EXOC1: variants seen among roughly 807,000 people sequenced by gnomAD.
EXOC1 encodes the protein SEC3-like 1.
A neutral mutation model predicts 107.7 loss-of-function variants in EXOC1; 67 were observed. The observed-to-expected ratio is 0.62, with a 90% CI of 0.51 to 0.76. The LOEUF (loss-of-function observed/expected upper bound fraction) is 0.76. Ranked by LOEUF, EXOC1 falls within the 30% of genes least tolerant of loss-of-function variation. EXOC1 has a pLI of 0.00. For synonymous variants in EXOC1, 348 were observed against 353.5 expected (o/e 0.98, Z 0.17); for missense variants, 833 against 1,055.7 (o/e 0.79, Z 2.92).
At chr4:55,864,434 T>G (rs756978348) in intron 4 of EXOC1, 48 bp downstream of exon 4, 1 of 1,430,882 alleles carries the variant, frequency 7.0e-7, no homozygotes. Context: ...TATCTTTAAG[T>G]GAATATATAA....
At chr4:55,889,817 A>G (rs1560354395) in intron 11 of EXOC1, among the ~76,000 whole-genome samples, 2 of 152,196 alleles carry the variant, frequency 1.3e-5, no homozygotes, top group Admixed American at 1.3e-4. Flanking sequence ...GAAGTATAAC[A>G]AAGTCATGCT....
At chr4:55,877,245 CTG>C in intron 8 of EXOC1, 2 of 985,348 alleles carry the variant, frequency 2.0e-6, no homozygotes, top group Non-Finnish European at 2.4e-6. Flanking sequence ...CTCTAGCAGT[CTG>C]TGTAATTTTA....
At position 55,890,150 on chromosome 4, in the gene EXOC1, A is replaced by T. The variant is rs1724349644; in HGVS notation, c.1376-73A>T. Reference sequence around the variant, plus strand: ...AGATCAAGCCAGTAGAAGATAGAAGATCTATCCCTGCTTTATACTTTGGAT... The same window carrying T: ...AGATCAAGCCAGTAGAAGATAGAAGTTCTATCCCTGCTTTATACTTTGGAT... On this transcript the variant is annotated intron_variant, in intron 11 of 18. Transcript: ENST00000381295. The T allele has an allele frequency of 3.5e-6, 5 of 1,430,662 alleles. No individual in the cohort carries two copies. The Admixed American group carries it at 5.2e-5, about 15-fold the overall frequency. The allele number at this position is 1,430,662 out of a possible 1,614,324, so 88.6% of individuals were successfully genotyped here. A position where few individuals can be genotyped will look rare whatever the true frequency, so the allele number is the denominator to read the frequency against.
intron 18 of EXOC1, among the ~76,000 whole-genome samples, chr4:55,903,925 A>G (rs1726309538): frequency 6.6e-6 from 1 of 152,172 alleles, no homozygotes; most frequent in Non-Finnish European, 1.5e-5. Context: ...AATGAAATTA[A>G]AGCATTACAT....
At chr4:55,863,151 C>T (rs879814434) in intron 3 of EXOC1, among the ~76,000 whole-genome samples, 8 of 152,112 alleles carry the variant, frequency 5.3e-5, no homozygotes, top group African/African-American at 1.4e-4. Context: ...CTACCCACCT[C>T]GGCCTCCCAA....
chr4:55,898,429 T>C (rs904674409), intron 16 of EXOC1, among the ~76,000 whole-genome samples: 6 of 152,180 alleles, frequency 3.9e-5, no homozygotes, highest in Non-Finnish European at 8.8e-5. Context: ...ATATTCCCTC[T>C]GAAATGAATT....
chr4:55,876,891 T>C, intron 8 of EXOC1: 1 of 985,352 alleles, frequency 1.0e-6, no homozygotes, highest in Non-Finnish European at 1.2e-6. Flanking sequence ...TTTGAAAACA[T>C]TTATGAAGAA....
In EXOC1 at chr4:55,902,493, C is replaced by A; in HGVS notation, c.2487C>A (p.Tyr829Ter). 6.4e-7 allele frequency: 1 copy of A among 1,554,908 alleles called. No individual in the cohort carries two copies. Among genetic ancestry groups the A allele is most frequent in the Non-Finnish European group, 8.6e-7 (1 of 1,157,864 alleles). ...KEVKKGLDNLYKKVDKHLCEE... is the reference protein window; with the variant it reads ...KEVKKGLDNL ...TAAAAAAAGGTCTAGATAACCTCTA[C>A]AAGAAAGTTGATAAACATTTATGTG... The change falls in exon 18 of 19, where the codon TAC (tyrosine) becomes TAA (stop). Residue 829 changes from tyrosine to a stop codon, truncating the protein, a stop_gained. Transcript: ENST00000381295. LOFTEE classifies it high-confidence loss of function.
At chr4:55,866,889 G>GA in intron 4 of EXOC1, 1 of 985,272 alleles carries the variant, frequency 1.0e-6, no homozygotes, top group Non-Finnish European at 1.2e-6. Flanking sequence ...TAAAGTTACA[G>GA]AAGGTGCGTA....
chr4:55,860,683 TTA>T, intron 3 of EXOC1, 142 bp downstream of exon 3: 1 of 938,902 alleles, frequency 1.1e-6, no homozygotes, highest in Non-Finnish European at 1.5e-6. Flanking sequence ...TAAGCTATAA[TTA>T]TGTTTGTGCA....
At chr4:55,886,389 CA>C (rs1296713517) in intron 10 of EXOC1, among the ~76,000 whole-genome samples, 2 of 151,176 alleles carry the variant, frequency 1.3e-5, no homozygotes, top group African/African-American at 4.9e-5. Context: ...CCCATATATA[CA>C]AAAAAATCAA....
In EXOC1 at chr4:55,877,140, A is replaced by G. The variant is rs1052279557; in HGVS notation, c.1075-777A>G. 6 of 977,858 alleles carry G rather than the reference A, an allele frequency of 6.1e-6. No individual in the cohort carries two copies. The African/African-American group carries it at 1.1e-4, about 17-fold the overall frequency. The allele number at this position is 977,858 out of a possible 1,614,324, so 60.6% of individuals were successfully genotyped here. On this transcript the variant is annotated intron_variant, in intron 8 of 18. Transcript: ENST00000381295. ...TAACTTAAAAGAATTTAAATTCAGG[A>G]CGCTTATTTAGCTAATGTGTACCAA...
Position 55,870,881 on chromosome 4 carries a change from CCTAT to C in EXOC1, c.810_813del (p.Ser271ArgfsTer2). ...TTAGTAACACTAATAATGTAAAACT[CCTAT>C]CTGAGATAGAGTTCCTTGTGGTAAG... is the stretch of plus-strand genomic sequence containing the variant. On this transcript the variant is annotated frameshift_variant, in exon 6 of 19. Coordinates refer to ENST00000381295, the MANE Select transcript of EXOC1 (RefSeq NM_001024924.2). LOFTEE classifies it high-confidence loss of function. 3.7e-6 allele frequency: 6 copies of C among 1,613,576 alleles called. No homozygotes were observed. The highest frequency in any genetic ancestry group is 5.1e-6 in the Non-Finnish European group (6 of 1,179,732).
At chr4:55,858,121 G>A (rs1721163224) in intron 1 of EXOC1, among the ~76,000 whole-genome samples, 193 bp from the exon 2 acceptor site, 1 of 152,124 alleles carries the variant, frequency 6.6e-6, no homozygotes, top group Admixed American at 6.5e-5. Flanking sequence ...ACATTTTAGA[G>A]TTTGATAACA....
At chr4:55,857,509 T>C (rs913391225) in intron 1 of EXOC1, among the ~76,000 whole-genome samples, 2 of 152,180 alleles carry the variant, frequency 1.3e-5, no homozygotes, top group African/African-American at 2.4e-5. Context: ...ATCCATTGTA[T>C]GGATATACCA....
intron 13 of EXOC1, 84 bp downstream of exon 13, chr4:55,891,506 C>A: frequency 1.1e-6 from 1 of 931,068 alleles, no homozygotes; most frequent in South Asian, 1.6e-5. Flanking sequence ...ATTTTATGAT[C>A]AGAAGAGAAA....
intron 8 of EXOC1, chr4:55,876,842 G>T (rs1377279668): frequency 1.0e-6 from 1 of 984,528 alleles, no homozygotes. Context: ...TTTAAATTGG[G>T]ATATATTCTC....
At chr4:55,891,527 T>C (rs778422279) in intron 13 of EXOC1, 105 bp downstream of exon 13, 1 of 782,104 alleles carries the variant, frequency 1.3e-6, no homozygotes, top group Non-Finnish European at 2.0e-6. Context: ...AGGAAAGAAT[T>C]TATCATGTAA....
At chr4:55,872,107 C>T (rs75549385) in intron 8 of EXOC1, 149 bp downstream of exon 8, 13,506 of 745,566 alleles carry the variant, frequency 0.018, 182 homozygotes, top group Non-Finnish European at 0.024. Flanking sequence ...ATAGGAGCCT[C>T]TTTGCTCATA....
Sources: gnomAD v4.1 joint callset for allele counts (sites outside exome capture counted in the v4.1 genomes callset) on GRCh38, gnomAD v4.1.1 for gene constraint, MANE v1.5 for transcripts, NCBI Gene and HGNC (gene_info 2026-07-23, HGNC 2026-07-21) for gene names.